SLIT2: variants seen among roughly 807,000 people sequenced by gnomAD.
SLIT2 encodes slit guidance ligand 2, also known as slit homolog 2 protein.
Under a neutral mutation model 185.7 loss-of-function variants are expected in SLIT2, and 41 were observed. The observed-to-expected ratio is 0.22, with a 90% CI of 0.17 to 0.29. The LOEUF is 0.29. Among genes scored for constraint, SLIT2 ranks in the 10% least tolerant of loss-of-function variants. SLIT2 has a pLI of 1.00. For synonymous variants in SLIT2, 693 were observed against 680.2 expected (o/e 1.02, Z -0.29); for missense variants, 1,571 against 1,909.0 (o/e 0.82, Z 3.30).
intron 29 of SLIT2, among the ~76,000 whole-genome samples, chr4:20,581,958 G>T (rs1395768127): frequency 1.3e-5 from 2 of 152,168 alleles, no homozygotes; most frequent in Non-Finnish European, 2.9e-5. Context: ...TCTTGGCCAG[G>T]CTTGTCTCAA....
intron 4 of SLIT2, among the ~76,000 whole-genome samples, chr4:20,307,231 T>TTTCCTTCCTTCCTTCCTTCCTTCCTTCC (rs71181557): frequency 2.8e-4 from 16 of 57,762 alleles, no homozygotes; most frequent in South Asian, 9.9e-4. Flanking sequence ...CTCTATTTCT[T>TTTCCTTCCTTCCTTCCTTCCTTCCTTCC]TTCCTTCCTT....
chr4:20,337,643 G>A (rs954547263), intron 4 of SLIT2, among the ~76,000 whole-genome samples: 4 of 152,122 alleles, frequency 2.6e-5, no homozygotes, highest in African/African-American at 9.7e-5. Flanking sequence ...TAATTCAATT[G>A]TCTCTCTAGA....
chr4:20,358,723 A>C (rs1297842105), intron 4 of SLIT2, among the ~76,000 whole-genome samples: 1 of 152,134 alleles, frequency 6.6e-6, no homozygotes, highest in East Asian at 1.9e-4. Flanking sequence ...TTCTAATTTC[A>C]GTGAATATAC....
At chr4:20,382,717 T>TC (rs1724625682) in intron 4 of SLIT2, among the ~76,000 whole-genome samples, 1 of 152,150 alleles carries the variant, frequency 6.6e-6, no homozygotes, top group African/African-American at 2.4e-5. Flanking sequence ...CTGTATCAGT[T>TC]CTGTACCAAG....
At chr4:20,549,007 G>A in intron 23 of SLIT2, 50 bp from the exon 24 acceptor site, 2 of 1,028,482 alleles carry the variant, frequency 1.9e-6, no homozygotes, top group Non-Finnish European at 3.1e-6. Flanking sequence ...GAAGTATTTG[G>A]CCATTTTTGG....
At chr4:20,410,229 C>A (rs867752230) in intron 4 of SLIT2, among the ~76,000 whole-genome samples, 5 of 114,936 alleles carry the variant, frequency 4.4e-5, no homozygotes, top group African/African-American at 9.8e-5. Flanking sequence ...GGTTTTTTTT[C>A]TTTTCTTTCT....
Position 20,496,680 on chromosome 4 carries a change from C to T in SLIT2, c.914+4781C>T, listed in dbSNP as rs369692290. 8.5e-5 allele frequency among the ~76,000 whole-genome samples: 13 copies of T among 152,194 alleles called. No homozygotes were observed. In the South Asian group the frequency reaches 2.3e-3, roughly 27 times the overall value. On this transcript the variant is annotated intron_variant, in intron 9 of 36. Transcript: ENST00000504154. ...TATCTATCTCTTCTACTGAAGTAAA[C>T]GTTCTATGAAGGCAGGAACCAGTTC...
chr4:20,314,890 C>A (rs1718431176), intron 4 of SLIT2, among the ~76,000 whole-genome samples: 1 of 151,784 alleles, frequency 6.6e-6, no homozygotes, highest in African/African-American at 2.4e-5. Flanking sequence ...ATAAAATTAG[C>A]AGAAGGGAAA....
chr4:20,557,940 T>A (rs1384030989), intron 26 of SLIT2, among the ~76,000 whole-genome samples: 3 of 151,980 alleles, frequency 2.0e-5, no homozygotes, highest in African/African-American at 4.8e-5. Flanking sequence ...GTGGTAGAAA[T>A]AGCAAGAGAT....
intron 4 of SLIT2, among the ~76,000 whole-genome samples, chr4:20,407,145 T>A (rs1402835556): frequency 2.6e-5 from 4 of 152,160 alleles, no homozygotes; most frequent in Non-Finnish European, 4.4e-5. Context: ...TTTAGGGAGA[T>A]AAATGACTGA....
intron 26 of SLIT2, among the ~76,000 whole-genome samples, chr4:20,566,876 G>A (rs750790930): frequency 1.3e-5 from 2 of 151,920 alleles, no homozygotes; most frequent in Non-Finnish European, 2.9e-5. Flanking sequence ...ACCCACACAC[G>A]TAGTCTTCTC....
chr4:20,319,811 C>A (rs68140580), intron 4 of SLIT2, among the ~76,000 whole-genome samples: 14,982 of 47,838 alleles, frequency 0.31, 1,574 homozygotes, highest in East Asian at 0.53. Flanking sequence ...AAAAACAAAA[C>A]AAAAAAAAAA....
At chr4:20,256,240 C>G (rs1711811474) in intron 1 of SLIT2, among the ~76,000 whole-genome samples, 1 of 151,264 alleles carries the variant, frequency 6.6e-6, no homozygotes, top group African/African-American at 2.4e-5. Flanking sequence ...GGACAGTGTT[C>G]TGAATTTTTA....
chr4:20,451,030 G>A (rs997692701), intron 4 of SLIT2, among the ~76,000 whole-genome samples: 2 of 152,152 alleles, frequency 1.3e-5, no homozygotes, highest in African/African-American at 4.8e-5. Flanking sequence ...TAATATGCAG[G>A]TTTGTGGGTA....
At chr4:20,404,997 A>G (rs1726667258) in intron 4 of SLIT2, among the ~76,000 whole-genome samples, 1 of 148,754 alleles carries the variant, frequency 6.7e-6, no homozygotes, top group Non-Finnish European at 1.5e-5. Context: ...TTATTTGTAT[A>G]TAATTCTCTG....
chr4:20,397,533 T>C (rs1725994872), intron 4 of SLIT2, among the ~76,000 whole-genome samples: 1 of 151,724 alleles, frequency 6.6e-6, no homozygotes, highest in African/African-American at 2.4e-5. Flanking sequence ...TTTCATGGGG[T>C]AAACCACACA....
chr4:20,298,566 A>G (rs1241882466), intron 4 of SLIT2, among the ~76,000 whole-genome samples: 1 of 152,174 alleles, frequency 6.6e-6, no homozygotes, highest in Admixed American at 6.5e-5. Flanking sequence ...CTTTAAAGGA[A>G]AAACAATCTC....
At chr4:20,526,215 G>T in intron 15 of SLIT2, among the ~76,000 whole-genome samples, 1 of 152,084 alleles carries the variant, frequency 6.6e-6, no homozygotes. Context: ...ATATTTGTTA[G>T]CTTGCCATTA....
intron 4 of SLIT2, among the ~76,000 whole-genome samples, chr4:20,398,398 C>A (rs1726086847): frequency 6.6e-6 from 1 of 151,756 alleles, no homozygotes; most frequent in Non-Finnish European, 1.5e-5. Context: ...AGTCCTGAGA[C>A]ATCAAGAAAT....
Sources: gnomAD v4.1 joint callset for allele counts (sites outside exome capture counted in the v4.1 genomes callset) on GRCh38, gnomAD v4.1.1 for gene constraint, MANE v1.5 for transcripts, NCBI Gene and HGNC (gene_info 2026-07-23, HGNC 2026-07-21) for gene names.